Variants in CADM1 observed in about 807,000 individuals in gnomAD.
CADM1 encodes cell adhesion molecule 1, also known as TSLC-1.
A neutral mutation model predicts 53.1 loss-of-function variants in CADM1; 15 were observed. The ratio of observed to expected loss-of-function variants is 0.28; its 90% confidence interval spans 0.19 to 0.44. CADM1 has a LOEUF of 0.44. Ranked by LOEUF, CADM1 falls within the 20% of genes least tolerant of loss-of-function variation. The pLI is 1.00. For missense variants in CADM1, 434 were observed against 611.3 expected, an observed-to-expected ratio of 0.71 and a Z score of 3.06; for synonymous variants, 281 against 243.0, an observed-to-expected ratio of 1.16 and a Z score of -1.45.
At chr11:115,438,361 CA>C (rs1948229681) in intron 1 of CADM1, among the ~76,000 whole-genome samples, 1 of 152,052 alleles carries the variant, frequency 6.6e-6, no homozygotes, top group Non-Finnish European at 1.5e-5. Flanking sequence ...GTGGCAGCAG[CA>C]GTATAATGCT....
chr11:115,183,064 T>C (rs1406545103), intron 10 of CADM1, among the ~76,000 whole-genome samples: 2 of 152,182 alleles, frequency 1.3e-5, no homozygotes, highest in Non-Finnish European at 2.9e-5. Flanking sequence ...CAGATTTCTT[T>C]ACCTTGGGCC....
chr11:115,284,643 T>A (rs183277671), intron 1 of CADM1, among the ~76,000 whole-genome samples: 12 of 152,312 alleles, frequency 7.9e-5, no homozygotes, highest in African/African-American at 2.9e-4. Context: ...TTCTATTTTT[T>A]CTTCACCACT....
At chr11:115,300,987 C>G (rs780025252) in intron 1 of CADM1, among the ~76,000 whole-genome samples, 36 of 152,026 alleles carry the variant, frequency 2.4e-4, no homozygotes, top group Non-Finnish European at 5.1e-4. Flanking sequence ...CCACCGCCCC[C>G]CCACCACTCA....
intron 1 of CADM1, among the ~76,000 whole-genome samples, chr11:115,261,830 A>C (rs1942982917): frequency 6.7e-6 from 1 of 150,260 alleles, no homozygotes; most frequent in African/African-American, 2.5e-5. Context: ...CCCAGGCTGG[A>C]GTGCAGTGGT....
At chr11:115,385,351 T>G (rs1013508536) in intron 1 of CADM1, among the ~76,000 whole-genome samples, 2 of 152,084 alleles carry the variant, frequency 1.3e-5, no homozygotes, top group African/African-American at 4.8e-5. Flanking sequence ...CTAAAAATAT[T>G]CCAAAGCTTT....
chr11:115,335,784 A>G (rs1439338478), intron 1 of CADM1, among the ~76,000 whole-genome samples: 1 of 152,180 alleles, frequency 6.6e-6, no homozygotes, highest in Non-Finnish European at 1.5e-5. Context: ...AAAAAGTCAC[A>G]TTCATTAGTA....
intron 5 of CADM1, among the ~76,000 whole-genome samples, chr11:115,226,259 G>A (rs1042985454): frequency 2.6e-5 from 4 of 152,166 alleles, no homozygotes; most frequent in African/African-American, 9.6e-5. Context: ...GTGACTTAAA[G>A]AAAAATTCTA....
intron 1 of CADM1, among the ~76,000 whole-genome samples, chr11:115,326,508 C>G (rs1944963321): frequency 6.6e-6 from 1 of 152,146 alleles, no homozygotes; most frequent in East Asian, 1.9e-4. Context: ...AAATATTTCA[C>G]TAAATATCTT....
Position 115,211,475 on chromosome 11 carries a change from C to CTTT in CADM1, c.995-1821_995-1819dup, listed in dbSNP as rs1224649182. Among the ~76,000 whole-genome samples the CTTT allele has an allele frequency of 2.5e-3, 235 of 92,210 alleles. 4 individuals carry two copies. The highest frequency in any genetic ancestry group is 2.8e-3 in the Non-Finnish European group (147 of 51,652). 60.5% of individuals were successfully genotyped at this position (92,210 alleles called of 152,430 possible). On this transcript the variant is annotated intron_variant, in intron 7 of 11. Transcript: ENST00000331581. Reference sequence around the variant, plus strand: ...CCCCTGATATACTATAATCCTATTTCTTTTTTTTTTTTTTTTTTTTTTTAG... The same window carrying CTTT: ...CCCCTGATATACTATAATCCTATTTCTTTTTTTTTTTTTTTTTTTTTTTTTTAG...
chr11:115,427,269 A>AT (rs1432914097), intron 1 of CADM1, among the ~76,000 whole-genome samples: 1 of 152,206 alleles, frequency 6.6e-6, no homozygotes, highest in Non-Finnish European at 1.5e-5. Flanking sequence ...AACAACCCAT[A>AT]TGTCTATCAA....
At chr11:115,190,612 G>A (rs1939800894) in intron 10 of CADM1, 2 of 386,226 alleles carry the variant, frequency 5.2e-6, no homozygotes, top group African/African-American at 2.0e-5. Flanking sequence ...ATTATTTGAA[G>A]CCACTGAACA....
At chr11:115,324,474 CGGTAAG>C (rs1944907814) in intron 1 of CADM1, among the ~76,000 whole-genome samples, 1 of 149,192 alleles carries the variant, frequency 6.7e-6, no homozygotes, top group Non-Finnish European at 1.5e-5. Flanking sequence ...GAGCCCCAAT[CGGTAAG>C]TCTGTTCTCT....
chr11:115,329,091 C>G (rs976404154), intron 1 of CADM1, among the ~76,000 whole-genome samples: 21 of 151,912 alleles, frequency 1.4e-4, no homozygotes, highest in Admixed American at 4.6e-4. Context: ...CCCAAAAGAT[C>G]ATTTTAGTCT....
intron 1 of CADM1, among the ~76,000 whole-genome samples, chr11:115,404,345 AAATATATATATATATATAT>A (rs1237164011): frequency 1.5e-4 from 6 of 40,786 alleles, no homozygotes; most frequent in African/African-American, 4.4e-4. Flanking sequence ...AAAAAAAAAA[AAATATATATATATATATAT>A]ATATATATAT....
intron 3 of CADM1, among the ~76,000 whole-genome samples, chr11:115,237,512 T>C (rs1942052488): frequency 6.6e-6 from 1 of 152,212 alleles, no homozygotes; most frequent in African/African-American, 2.4e-5. Context: ...TAAATACATA[T>C]ATGTGCACAC....
intron 1 of CADM1, among the ~76,000 whole-genome samples, chr11:115,470,121 T>G (rs1249439755): frequency 6.6e-6 from 1 of 152,264 alleles, no homozygotes. Context: ...CACTGTGAGA[T>G]ATGATACAAT....
intron 5 of CADM1, among the ~76,000 whole-genome samples, chr11:115,224,439 C>T (rs974264816): frequency 6.6e-6 from 1 of 152,130 alleles, no homozygotes; most frequent in African/African-American, 2.4e-5. Flanking sequence ...GCAGGCATGG[C>T]ATTCAAGCAC....
At chr11:115,204,039 C>T (rs925526368) in intron 8 of CADM1, among the ~76,000 whole-genome samples, 2 of 152,102 alleles carry the variant, frequency 1.3e-5, no homozygotes, top group African/African-American at 2.4e-5. Flanking sequence ...ATGAATATTC[C>T]ATAAATGCTG....
At chr11:115,214,549 A>C in intron 7 of CADM1, 59 bp downstream of exon 7, 4 of 1,508,742 alleles carry the variant, frequency 2.7e-6, no homozygotes, top group Non-Finnish European at 3.7e-6. Context: ...AGAGTAAATC[A>C]CAAGTAGCAG....
Sources: gnomAD v4.1 joint callset for allele counts (sites outside exome capture counted in the v4.1 genomes callset) on GRCh38, gnomAD v4.1.1 for gene constraint, MANE v1.5 for transcripts, NCBI Gene and HGNC (gene_info 2026-07-23, HGNC 2026-07-21) for gene names.